Variants in F13A1 observed in about 807,000 individuals in gnomAD.
F13A1 encodes FSF, A subunit.
In F13A1, 47 loss-of-function variants were observed where a neutral mutation model predicts 80.1. The ratio of observed to expected loss-of-function variants is 0.59; its 90% CI spans 0.46 to 0.75. F13A1 has a LOEUF of 0.75. F13A1 is among the 30% of genes least tolerant of loss of function. The pLI is 0.00. For missense variants in F13A1, 817 were observed against 930.4 expected, an observed-to-expected ratio of 0.88 and a Z score of 1.59; for synonymous variants, 349 against 344.9, an observed-to-expected ratio of 1.01 and a Z score of -0.13.
intron 8 of F13A1, among the ~76,000 whole-genome samples, chr6:6,204,796 C>G (rs563550005): frequency 6.6e-6 from 1 of 152,330 alleles, no homozygotes; most frequent in African/African-American, 2.4e-5. Flanking sequence ...GATGGAGCTG[C>G]GAGCATGACA....
chr6:6,232,236 TTAAAG>T (rs1300989099), intron 6 of F13A1, among the ~76,000 whole-genome samples: 1 of 151,922 alleles, frequency 6.6e-6, no homozygotes, highest in African/African-American at 2.4e-5. Flanking sequence ...TCACATAAAC[TTAAAG>T]TAAAGGTGTG....
At chr6:6,266,291 G>T (rs1165646617) in intron 4 of F13A1, among the ~76,000 whole-genome samples, 2 of 152,114 alleles carry the variant, frequency 1.3e-5, no homozygotes, top group Non-Finnish European at 2.9e-5. Flanking sequence ...GAGTACAGTG[G>T]CACAATCATT....
At chr6:6,165,998 G>T (rs1000765170) in intron 13 of F13A1, among the ~76,000 whole-genome samples, 72 of 152,282 alleles carry the variant, frequency 4.7e-4, no homozygotes, top group African/African-American at 1.6e-3. Context: ...ATGCCCGTGA[G>T]TTTGGGTGGG....
chr6:6,211,812 T>C (rs1761618079), intron 8 of F13A1, among the ~76,000 whole-genome samples: 2 of 152,214 alleles, frequency 1.3e-5, no homozygotes, highest in South Asian at 2.1e-4. Flanking sequence ...CGCAGGTTAG[T>C]GGGTGCGCGC....
At chr6:6,202,692 C>T (rs1761420107) in intron 8 of F13A1, among the ~76,000 whole-genome samples, 1 of 152,170 alleles carries the variant, frequency 6.6e-6, no homozygotes. Context: ...TTCATTGAGA[C>T]TTGTTTAATC....
At chr6:6,308,606 C>CTTTTTTTTTTTTTTTTTTTTTTT (rs770570204) in intron 2 of F13A1, among the ~76,000 whole-genome samples, 2 of 88,850 alleles carry the variant, frequency 2.3e-5, no homozygotes, top group Non-Finnish European at 2.1e-5. Context: ...AAAACACATT[C>CTTTTTTTTTTTTTTTTTTTTTTT]TTTTTTTTTT....
intron 8 of F13A1, among the ~76,000 whole-genome samples, chr6:6,205,757 G>T (rs1561654019): frequency 1.3e-5 from 2 of 151,656 alleles, no homozygotes; most frequent in Non-Finnish European, 2.9e-5. Context: ...AACAGGCAGG[G>T]AATGAAACCA....
At chr6:6,270,668 A>G (rs1212916017) in intron 3 of F13A1, among the ~76,000 whole-genome samples, 1 of 152,212 alleles carries the variant, frequency 6.6e-6, no homozygotes, top group Admixed American at 6.5e-5. Context: ...AGAACTGGGG[A>G]CAGGGAAGCC....
chr6:6,220,366 TG>T (rs1757174315), intron 8 of F13A1, among the ~76,000 whole-genome samples: 1 of 152,144 alleles, frequency 6.6e-6, no homozygotes, highest in Non-Finnish European at 1.5e-5. Flanking sequence ...AGCAGGGACC[TG>T]AATGAGGACA....
Position 6,293,802 on chromosome 6 carries a change from GGAGGGAGGGAGGGAGGGAGGGAGA to G in F13A1, c.319+11525_319+11548del, listed in dbSNP as rs1284662522. Among the ~76,000 whole-genome samples, 76 of 108,390 alleles carry G rather than the reference GGAGGGAGGGAGGGAGGGAGGGAGA, an allele frequency of 7.0e-4. 1 individual carries two copies. The highest frequency in any genetic ancestry group is 2.6e-3 in the African/African-American group (64 of 24,218). The allele number at this position is 108,390 out of a possible 152,430, so 71.1% of individuals were successfully genotyped here. On this transcript the variant is annotated intron_variant, in intron 3 of 14. Transcript: ENST00000264870. ...GAGAGAGAGGGAGGGAGGGAGGGAGGGAGGGAGGGAGGGAGGGAGGGAGAGAAGGAAATTGGTTAGAAGGCAGAA... is the reference window on the plus strand; with the variant it reads ...GAGAGAGAGGGAGGGAGGGAGGGAGGGAAGGAAATTGGTTAGAAGGCAGAA...
intron 3 of F13A1, among the ~76,000 whole-genome samples, chr6:6,294,723 T>TA (rs1758293093): frequency 7.9e-6 from 1 of 126,170 alleles, no homozygotes; most frequent in East Asian, 1.9e-4. Flanking sequence ...CTTTTTTTTT[T>TA]AGTCTTTTTT....
At chr6:6,213,219 C>T (rs1761652901) in intron 8 of F13A1, among the ~76,000 whole-genome samples, 1 of 151,786 alleles carries the variant, frequency 6.6e-6, no homozygotes, top group Admixed American at 6.6e-5. Context: ...CTCCAAGACA[C>T]ATAATTGTCA....
intron 4 of F13A1, among the ~76,000 whole-genome samples, chr6:6,261,291 T>G (rs1380449850): frequency 6.6e-6 from 1 of 152,168 alleles, no homozygotes; most frequent in Non-Finnish European, 1.5e-5. Flanking sequence ...TTAAAGTTAT[T>G]GCTTATTGTC....
rs1757503430 is a variant in F13A1 at position 6,243,025 on chromosome 6, T to G, written c.798+5287A>C. 6.6e-6 allele frequency among the ~76,000 whole-genome samples: 1 copy of G among 152,200 alleles called. No individual in the cohort carries two copies. The highest frequency in any genetic ancestry group is 2.4e-5 in the African/African-American group (1 of 41,440). ...GCAGAAACTTAATTTTGTTCACAAT[T>G]GTACTCCAGTGTTCAGACTGGTAGA... On this transcript the variant is annotated intron_variant, in intron 6 of 14. Transcript: ENST00000264870. This position sits in a 1 kb window ranked among gnomAD's most constrained non-coding sequence, Gnocchi z 4.2.
At chr6:6,244,316 G>A (rs1757526350) in intron 6 of F13A1, among the ~76,000 whole-genome samples, 1 of 152,220 alleles carries the variant, frequency 6.6e-6, no homozygotes. Context: ...AAAGGGAGAA[G>A]TATAACTGTG....
At chr6:6,209,616 T>C (rs1761565481) in intron 8 of F13A1, among the ~76,000 whole-genome samples, 1 of 152,224 alleles carries the variant, frequency 6.6e-6, no homozygotes, top group African/African-American at 2.4e-5. Flanking sequence ...AACTGATGAA[T>C]GGATAAATAA....
intron 13 of F13A1, among the ~76,000 whole-genome samples, chr6:6,156,509 C>G (rs1481807233): frequency 6.6e-6 from 1 of 152,184 alleles, no homozygotes; most frequent in Non-Finnish European, 1.5e-5. Flanking sequence ...CCTAACAGCT[C>G]TTATTTCAAG....
At chr6:6,265,761 G>T (rs1757834719) in intron 4 of F13A1, among the ~76,000 whole-genome samples, 1 of 152,182 alleles carries the variant, frequency 6.6e-6, no homozygotes. Flanking sequence ...CAGACTTTCT[G>T]TTCTTAAAGT....
chr6:6,267,161 C>T lies in F13A1; in HGVS notation c.320-352G>A, dbSNP rs115326652. Reference sequence around the variant, plus strand: ...AGAGAACATTCTAAGGAGGTGGTTACATAAGTTACTGCTGTGCAATTCTGT... The same window carrying T: ...AGAGAACATTCTAAGGAGGTGGTTATATAAGTTACTGCTGTGCAATTCTGT... On this transcript the variant is annotated intron_variant, in intron 3 of 14. Coordinates refer to ENST00000264870, the MANE Select transcript of F13A1 (RefSeq NM_000129.4). Among the ~76,000 whole-genome samples the T allele has an allele frequency of 3.8e-3, 581 of 152,254 alleles. 2 individuals carry two copies. Among genetic ancestry groups the T allele is most frequent in the Admixed American group, 5.1e-3 (78 of 15,292 alleles).
Sources: gnomAD v4.1 joint callset for allele counts (sites outside exome capture counted in the v4.1 genomes callset) on GRCh38, gnomAD v4.1.1 for gene constraint, Gnocchi (gnomAD v3.1) non-coding constraint, MANE v1.5 for transcripts, NCBI Gene and HGNC (gene_info 2026-07-23, HGNC 2026-07-21) for gene names.